The following GALNT17 variants were observed in gnomAD, a reference collection of about 807,000 sequenced individuals.
GALNT17 encodes the protein polypeptide N-acetylgalactosaminyltransferase 17.
GALNT17 carries 29 observed loss-of-function variants against 63.7 expected under a neutral mutation model. The observed-to-expected ratio is 0.46, with a 90% confidence interval of 0.34 to 0.62. The LOEUF (loss-of-function observed/expected upper bound fraction) is 0.62, where lower values mean the gene tolerates loss of function less well. Ranked by LOEUF, GALNT17 falls within the 20% of genes least tolerant of loss-of-function variation. GALNT17 has a pLI of 0.01. For missense variants in GALNT17, 603 were observed against 799.6 expected (o/e 0.75, Z 2.97); for synonymous variants, 305 against 318.3 (o/e 0.96, Z 0.45).
At chr7:71,507,156 C>T (rs1584011831) in intron 5 of GALNT17, among the ~76,000 whole-genome samples, 1 of 152,160 alleles carries the variant, frequency 6.6e-6, no homozygotes, top group East Asian at 1.9e-4. Flanking sequence ...ATCACTGGAG[C>T]CCAGGAGGTC....
intron 5 of GALNT17, among the ~76,000 whole-genome samples, chr7:71,426,349 T>C (rs1786760699): frequency 6.6e-6 from 1 of 152,256 alleles, no homozygotes; most frequent in African/African-American, 2.4e-5. Flanking sequence ...TAAGACTTTG[T>C]GCAGCACTGA....
intron 5 of GALNT17, among the ~76,000 whole-genome samples, chr7:71,428,872 G>A (rs540748990): frequency 1.2e-3 from 180 of 152,316 alleles, no homozygotes; most frequent in Non-Finnish European, 1.6e-3. Context: ...TGTTCCAGAG[G>A]GCACGTTCCC....
chr7:71,235,596 A>G (rs770311836), intron 1 of GALNT17, among the ~76,000 whole-genome samples: 1 of 152,238 alleles, frequency 6.6e-6, no homozygotes, highest in Admixed American at 6.5e-5. Flanking sequence ...ATAAAACGTC[A>G]TCAGATATTT....
intron 1 of GALNT17, among the ~76,000 whole-genome samples, chr7:71,292,684 T>A (rs1005250975): frequency 1.3e-4 from 20 of 150,952 alleles, no homozygotes; most frequent in African/African-American, 4.4e-4. Flanking sequence ...TGTGTGTGTG[T>A]GTGTGTGTGT....
intron 1 of GALNT17, among the ~76,000 whole-genome samples, chr7:71,194,242 A>G (rs778172488): frequency 3.9e-5 from 6 of 152,140 alleles, no homozygotes; most frequent in Non-Finnish European, 8.8e-5. Flanking sequence ...CATGTCATAA[A>G]TGAGGAATTT....
chr7:71,584,966 A>C (rs1017891408), intron 6 of GALNT17, among the ~76,000 whole-genome samples: 2 of 151,928 alleles, frequency 1.3e-5, no homozygotes, highest in African/African-American at 4.8e-5. Flanking sequence ...ACCTTTATTA[A>C]TTTCATGTCA....
intron 5 of GALNT17, among the ~76,000 whole-genome samples, chr7:71,423,993 T>C (rs1285973943): frequency 2.0e-5 from 3 of 152,166 alleles, no homozygotes; most frequent in South Asian, 4.1e-4. Context: ...AGCTGAAAAA[T>C]AGCCTTTGAG....
At chr7:71,170,587 C>T (rs1003466807) in intron 1 of GALNT17, among the ~76,000 whole-genome samples, 14 of 152,176 alleles carry the variant, frequency 9.2e-5, no homozygotes, top group African/African-American at 3.4e-4. Flanking sequence ...CCTCCCACCT[C>T]GGCCTCCCAA....
chr7:71,488,462 C>G (rs1373908581), intron 5 of GALNT17, among the ~76,000 whole-genome samples: 1 of 152,066 alleles, frequency 6.6e-6, no homozygotes, highest in Non-Finnish European at 1.5e-5. Context: ...GAAACACAAC[C>G]TGGAGTGGAG....
At chr7:71,662,835 T>C (rs1790928879) in intron 6 of GALNT17, among the ~76,000 whole-genome samples, 1 of 152,240 alleles carries the variant, frequency 6.6e-6, no homozygotes, top group Non-Finnish European at 1.5e-5. Context: ...TCTAAGAGTT[T>C]TATAGTTTTA....
At chr7:71,574,709 C>T (rs1412136293) in intron 6 of GALNT17, among the ~76,000 whole-genome samples, 2 of 152,096 alleles carry the variant, frequency 1.3e-5, no homozygotes, top group African/African-American at 4.8e-5. Context: ...AATTCTTGGG[C>T]CCCATCCCAG....
In GALNT17 at chr7:71,345,899, C is replaced by A. The variant is rs1453323333; in HGVS notation, c.422+10166C>A. 2.0e-5 allele frequency among the ~76,000 whole-genome samples: 3 copies of A among 151,870 alleles called. 1 individual carries two copies. On this transcript the variant is annotated intron_variant, in intron 2 of 10. Coordinates refer to ENST00000333538, the MANE Select transcript of GALNT17 (RefSeq NM_022479.3). ...AAGTGCCTTAAAAAGAGTCAAGAAT[C>A]CAGCTGGGTGTGGGGGCTCATGCCT...
intron 1 of GALNT17, among the ~76,000 whole-genome samples, chr7:71,140,551 C>G (rs564682367): frequency 6.8e-4 from 103 of 152,300 alleles, no homozygotes; most frequent in Non-Finnish European, 1.1e-3. Context: ...GCTGAAGAAA[C>G]CCAACCCCCC....
At chr7:71,296,017 A>G (rs1490627152) in intron 1 of GALNT17, among the ~76,000 whole-genome samples, 1 of 151,626 alleles carries the variant, frequency 6.6e-6, no homozygotes, top group Non-Finnish European at 1.5e-5. Flanking sequence ...ATCTTTTATT[A>G]AAGACATTTT....
intron 6 of GALNT17, among the ~76,000 whole-genome samples, chr7:71,638,577 G>C (rs1229004903): frequency 6.6e-6 from 1 of 152,160 alleles, no homozygotes; most frequent in African/African-American, 2.4e-5. Context: ...ATACAGACAC[G>C]GCATGGGTAG....
At chr7:71,160,002 C>G (rs1788312606) in intron 1 of GALNT17, among the ~76,000 whole-genome samples, 2 of 152,068 alleles carry the variant, frequency 1.3e-5, no homozygotes, top group South Asian at 2.1e-4. Context: ...CCAGGCTGAT[C>G]TCGAACTCCT....
chr7:71,466,386 T>A (rs1044400954), intron 5 of GALNT17, among the ~76,000 whole-genome samples: 2 of 152,194 alleles, frequency 1.3e-5, no homozygotes, highest in South Asian at 2.1e-4. Context: ...ACAGACTCTT[T>A]GTAGCAATAA....
intron 1 of GALNT17, among the ~76,000 whole-genome samples, chr7:71,200,872 AAACTC>A (rs1789152918): frequency 6.6e-6 from 1 of 152,188 alleles, no homozygotes; most frequent in East Asian, 1.9e-4. Flanking sequence ...AAACAAAACA[AAACTC>A]AACTCTTTTT....
chr7:71,311,884 G>A (rs1052024943), intron 1 of GALNT17, among the ~76,000 whole-genome samples: 5 of 152,182 alleles, frequency 3.3e-5, no homozygotes, highest in African/African-American at 1.2e-4. Context: ...CACACTAGCT[G>A]TCCCTCCATC....
Sources: allele counts gnomAD v4.1 joint callset (sites outside exome capture counted in the v4.1 genomes callset), GRCh38; gene constraint gnomAD v4.1.1; transcripts MANE v1.5; gene names NCBI Gene and HGNC (gene_info 2026-07-23, HGNC 2026-07-21).